The following DYSF variants were observed in gnomAD, a reference collection of about 807,000 sequenced individuals.
DYSF encodes the protein dystrophy-associated fer-1-like 1.
DYSF carries 212 observed loss-of-function variants against 274.9 expected under a neutral mutation model. The ratio of observed to expected loss-of-function variants is 0.77; its 90% CI spans 0.69 to 0.86. The LOEUF (loss-of-function observed/expected upper bound fraction) is 0.86. DYSF is among the 40% of genes least tolerant of loss of function. The probability of loss-of-function intolerance (pLI) is 0.00; values close to 1 mark genes in which losing one functional copy is unlikely to be tolerated. For synonymous variants in DYSF, 1,091 were observed against 1,078.7 expected (o/e 1.01, Z -0.22); for missense variants, 2,666 against 2,783.2 (o/e 0.96, Z 0.95).
At chr2:71,601,633 C>A in intron 35 of DYSF, 105 bp downstream of exon 35, 2 of 1,470,868 alleles carry the variant, frequency 1.4e-6, no homozygotes, top group Non-Finnish European at 9.5e-7. Context: ...CGCGATCCTG[C>A]CTCAAGCCCC....
rs1478546068 is a variant in DYSF, at chr2:71,480,922, A to C, written c.131A>C (p.Asn44Thr). ...ACCAAAGTCATCAAGAACAGCGTGA[A>C]CCCTGTATGGAATGAGGTATGTGAG... Reference protein sequence around the residue: ...KRTKVIKNSVNPVWNEGFEWD... With the variant: ...KRTKVIKNSVTPVWNEGFEWD... The change falls in exon 2 of 56, where the codon AAC becomes ACC. Residue 44 changes from asparagine to threonine, a missense_variant. Coordinates refer to ENST00000410020, the MANE Select transcript of DYSF (RefSeq NM_001130987.2). 9.3e-6 allele frequency: 15 copies of C among 1,614,108 alleles called. No homozygotes were observed. The highest frequency in any genetic ancestry group is 3.3e-5 in the Admixed American group (2 of 60,016).
intron 23 of DYSF, 112 bp downstream of exon 23, chr2:71,562,056 T>C: frequency 7.1e-7 from 1 of 1,413,054 alleles, no homozygotes; most frequent in Non-Finnish European, 9.7e-7. Context: ...GTTCCATTGC[T>C]GGGTGACCTT....
At chr2:71,628,406 A>G (rs1430750444) in intron 41 of DYSF, among the ~76,000 whole-genome samples, 1 of 134,696 alleles carries the variant, frequency 7.4e-6, no homozygotes, top group African/African-American at 2.6e-5. Context: ...TTTTAGCTAT[A>G]TTCACATTTA....
intron 4 of DYSF, among the ~76,000 whole-genome samples, chr2:71,508,874 A>G (rs918343439): frequency 2.6e-5 from 4 of 151,958 alleles, no homozygotes; most frequent in Non-Finnish European, 5.9e-5. Flanking sequence ...TTTTTTTGAG[A>G]CGGTATGTCA....
chr2:71,574,011 G>A (rs1206509196), intron 29 of DYSF, among the ~76,000 whole-genome samples, 187 bp from the exon 30 acceptor site: 1 of 152,088 alleles, frequency 6.6e-6, no homozygotes, highest in Admixed American at 6.5e-5. Context: ...TTCTGACCTG[G>A]GGTTCCTGTG....
intron 4 of DYSF, among the ~76,000 whole-genome samples, chr2:71,510,029 C>G (rs560220768): frequency 6.6e-6 from 1 of 152,198 alleles, no homozygotes; most frequent in African/African-American, 2.4e-5. Flanking sequence ...CCGCCTGGCT[C>G]GGCCTCCCAA....
chr2:71,477,911 T>C (rs922940464), intron 1 of DYSF, among the ~76,000 whole-genome samples: 4 of 152,162 alleles, frequency 2.6e-5, no homozygotes, highest in East Asian at 1.9e-4. Flanking sequence ...ATTTTCTTCA[T>C]AGACATCAAT....
intron 1 of DYSF, among the ~76,000 whole-genome samples, chr2:71,455,857 C>A (rs1224789658): frequency 6.6e-6 from 1 of 152,192 alleles, no homozygotes; most frequent in East Asian, 1.9e-4. Flanking sequence ...TCCCTGACCA[C>A]ATGCCCCCTC....
chr2:71,683,684 T>C (rs1332697570), intron 55 of DYSF, among the ~76,000 whole-genome samples: 1 of 152,188 alleles, frequency 6.6e-6, no homozygotes, highest in Non-Finnish European at 1.5e-5. Flanking sequence ...AATCCAGGGC[T>C]CACTGTGATT....
intron 36 of DYSF, among the ~76,000 whole-genome samples, chr2:71,608,346 A>G (rs1186155382): frequency 6.6e-6 from 1 of 152,038 alleles, no homozygotes; most frequent in Non-Finnish European, 1.5e-5. Context: ...GGGGAGGAGC[A>G]TTTGGACGCA....
intron 36 of DYSF, among the ~76,000 whole-genome samples, chr2:71,608,151 AG>A (rs1203665221): frequency 6.6e-6 from 1 of 151,938 alleles, no homozygotes; most frequent in African/African-American, 2.4e-5. Flanking sequence ...AGGGGTGCTG[AG>A]GGCAGAAGCA....
chr2:71,521,185 T>C (rs1378792963), intron 12 of DYSF, among the ~76,000 whole-genome samples: 2 of 152,196 alleles, frequency 1.3e-5, no homozygotes, highest in Non-Finnish European at 2.9e-5. Flanking sequence ...ATATTTTCTT[T>C]TTGCAACAGT....
At chr2:71,528,094 G>C (rs74382873) in intron 13 of DYSF, among the ~76,000 whole-genome samples, 1 of 152,198 alleles carries the variant, frequency 6.6e-6, no homozygotes, top group South Asian at 2.1e-4. Context: ...TTTGGGACTG[G>C]TGACAAAGTG....
At chr2:71,456,815 T>C (rs1398261562) in intron 1 of DYSF, among the ~76,000 whole-genome samples, 2 of 152,130 alleles carry the variant, frequency 1.3e-5, no homozygotes, top group Non-Finnish European at 2.9e-5. Context: ...TTGTTCTCAG[T>C]ATCCTTGGTG....
intron 4 of DYSF, among the ~76,000 whole-genome samples, chr2:71,505,675 C>T (rs140118553): frequency 3.9e-4 from 60 of 152,324 alleles, no homozygotes; most frequent in African/African-American, 1.3e-3. Context: ...GGAAAACACT[C>T]CCCCAGTCCT....
chr2:71,515,748 T>C lies in DYSF; in HGVS notation c.885T>C (p.Asn295=). The C allele has an allele frequency of 6.2e-7, 1 of 1,614,008 alleles. No individual in the cohort carries two copies. The highest frequency in any genetic ancestry group is 8.5e-7 in the Non-Finnish European group (1 of 1,179,978). The change falls in exon 8 of 56, where the codon AAT becomes AAC. Residue 295 remains asparagine, a synonymous_variant. Coordinates refer to ENST00000410020, the MANE Select transcript of DYSF (RefSeq NM_001130987.2). ...RIHKGNSPLF[N]ETLFFNLFDS... The stretch of plus-strand genomic sequence containing the variant: ...ACAAGGGAAACAGCCCACTCTTCAA[T>C]GAGGTGGGAGACATGGGGCATGAGG...
At chr2:71,642,745 C>G (rs561836693) in intron 41 of DYSF, among the ~76,000 whole-genome samples, 1 of 152,330 alleles carries the variant, frequency 6.6e-6, no homozygotes, top group East Asian at 1.9e-4. Flanking sequence ...AGAACCTCAT[C>G]CTACCGTCTC....
chr2:71,503,336 C>G lies in DYSF; in HGVS notation c.345+17C>G, dbSNP rs374839593. The G allele has an allele frequency of 1.4e-5, 23 of 1,613,420 alleles. No individual in the cohort carries two copies. The African/African-American group carries it at 2.8e-4, about 20-fold the overall frequency. On this transcript the variant is annotated intron_variant, in intron 4 of 55. Coordinates refer to ENST00000410020, the MANE Select transcript of DYSF (RefSeq NM_001130987.2). ...CCCACAGGGGTAAGTGCCCATCAGC[C>G]TCTGCCAGGTTAAGGTCCAAGGCAT... is the stretch of plus-strand genomic sequence containing the variant.
At chr2:71,667,324 T>G (rs1003440565) in intron 47 of DYSF, 52 bp from the exon 48 acceptor site, 2 of 1,612,880 alleles carry the variant, frequency 1.2e-6, no homozygotes, top group African/African-American at 2.7e-5. Context: ...GCAGCCCCAT[T>G]ATCTCTCGCT....
Sources: gnomAD v4.1 joint callset for allele counts (sites outside exome capture counted in the v4.1 genomes callset) on GRCh38, gnomAD v4.1.1 for gene constraint, MANE v1.5 for transcripts, NCBI Gene and HGNC (gene_info 2026-07-23, HGNC 2026-07-21) for gene names.